The following RAP1GDS1 variants were observed in gnomAD, a reference collection of about 807,000 sequenced individuals.
The protein encoded by RAP1GDS1 is RAP1, GTP-GDP dissociation stimulator 1.
In RAP1GDS1, 35 loss-of-function variants were observed where a neutral mutation model predicts 71.1. That is an observed-to-expected ratio of 0.49 (90% CI 0.38 to 0.65). The LOEUF (loss-of-function observed/expected upper bound fraction) is 0.65. Ranked by LOEUF, RAP1GDS1 falls within the 30% of genes least tolerant of loss-of-function variation. The probability of loss-of-function intolerance (pLI) is 0.00; values close to 1 mark genes in which losing one functional copy is unlikely to be tolerated. For missense variants in RAP1GDS1, 663 were observed against 706.1 expected, an observed-to-expected ratio of 0.94 and a Z score of 0.69; for synonymous variants, 229 against 243.1, an observed-to-expected ratio of 0.94 and a Z score of 0.54.
At chr4:98,295,662 T>C (rs1349074397) in intron 2 of RAP1GDS1, among the ~76,000 whole-genome samples, 1 of 152,110 alleles carries the variant, frequency 6.6e-6, no homozygotes, top group African/African-American at 2.4e-5. Flanking sequence ...TAAAAAATTG[T>C]AATCTGAATA....
At chr4:98,353,853 A>G (rs921965483) in intron 4 of RAP1GDS1, among the ~76,000 whole-genome samples, 60 of 152,252 alleles carry the variant, frequency 3.9e-4, no homozygotes, top group African/African-American at 1.3e-3. Context: ...ATTTTTATTA[A>G]GCACCATAGT....
At chr4:98,349,001 G>T (rs1012002914) in intron 3 of RAP1GDS1, among the ~76,000 whole-genome samples, 5 of 152,060 alleles carry the variant, frequency 3.3e-5, no homozygotes, top group African/African-American at 1.2e-4. Flanking sequence ...TTTGGTTTTT[G>T]TTACCATTGC....
intron 1 of RAP1GDS1, among the ~76,000 whole-genome samples, chr4:98,277,450 C>T (rs1411484981): frequency 2.0e-5 from 3 of 152,208 alleles, no homozygotes; most frequent in Non-Finnish European, 4.4e-5. Context: ...TCTTATTTCT[C>T]ATTACTCTCT....
rs111461002 is a variant in RAP1GDS1 at position 98,385,873 on chromosome 4, A to T, written c.509-6079A>T. Among the ~76,000 whole-genome samples the T allele has an allele frequency of 5.2e-3, 785 of 152,012 alleles. 9 individuals are homozygous for T. The highest frequency in any genetic ancestry group is 0.02 in the Middle Eastern group (6 of 294). ...TCTATGTTTTTAAGCATATGTTTGTAAGATACACGTTGGAATATAAATTAA... is the reference window on the plus strand; with the variant it reads ...TCTATGTTTTTAAGCATATGTTTGTTAGATACACGTTGGAATATAAATTAA... On this transcript the variant is annotated intron_variant, in intron 5 of 14. Transcript: ENST00000408927.
At chr4:98,391,157 A>C (rs1743590244) in intron 5 of RAP1GDS1, among the ~76,000 whole-genome samples, 1 of 152,114 alleles carries the variant, frequency 6.6e-6, no homozygotes, top group African/African-American at 2.4e-5. Context: ...ACTTTGCTAC[A>C]GGTATTCTAT....
intron 2 of RAP1GDS1, among the ~76,000 whole-genome samples, chr4:98,305,960 A>G (rs142278654): frequency 1.3e-5 from 2 of 152,332 alleles, no homozygotes; most frequent in Admixed American, 6.5e-5. Flanking sequence ...CAGTCTCAGT[A>G]TTTATAGTAC....
intron 4 of RAP1GDS1, among the ~76,000 whole-genome samples, chr4:98,376,800 CAAT>C (rs767168846): frequency 1.3e-5 from 2 of 151,836 alleles, no homozygotes; most frequent in Admixed American, 6.6e-5. Context: ...AAACAATTCT[CAAT>C]AACACATGAG....
intron 7 of RAP1GDS1, among the ~76,000 whole-genome samples, chr4:98,416,228 G>A (rs1312899683): frequency 1.3e-5 from 2 of 150,678 alleles, no homozygotes; most frequent in Non-Finnish European, 2.9e-5. Context: ...ATTTCAAATG[G>A]AAATATGAAA....
chr4:98,313,096 A>T (rs1316273277), intron 2 of RAP1GDS1, among the ~76,000 whole-genome samples: 1 of 148,092 alleles, frequency 6.8e-6, no homozygotes, highest in Admixed American at 6.8e-5. Flanking sequence ...AAAAAAAAAA[A>T]AGAAATTGGC....
rs1202654373 is a variant in RAP1GDS1, at chr4:98,391,967, A to G, written c.524A>G (p.Gln175Arg). The G allele has an allele frequency of 6.2e-7, 1 of 1,602,050 alleles. No individual in the cohort carries two copies. The highest frequency in any genetic ancestry group is 8.5e-7 in the Non-Finnish European group (1 of 1,175,416). The change falls in exon 6 of 15, where the codon CAG becomes CGG. Residue 175 changes from glutamine to arginine, a missense_variant. Transcript: ENST00000408927. ...YSNENDSLQAQLINMGVIPTL... is the reference protein window; with the variant it reads ...YSNENDSLQARLINMGVIPTL... ...GTTTTTACAGATTCGCTTCAAGCTCAGCTTATCAATATGGGTGTTATTCCT... is the reference window on the plus strand; with the variant it reads ...GTTTTTACAGATTCGCTTCAAGCTCGGCTTATCAATATGGGTGTTATTCCT...
At chr4:98,425,698 C>A (rs915155428) in intron 12 of RAP1GDS1, among the ~76,000 whole-genome samples, 5 of 152,082 alleles carry the variant, frequency 3.3e-5, no homozygotes, top group Non-Finnish European at 7.4e-5. Context: ...TATATATGCA[C>A]CAAACACTGG....
intron 4 of RAP1GDS1, among the ~76,000 whole-genome samples, chr4:98,358,319 T>C (rs975174165): frequency 6.6e-6 from 1 of 152,048 alleles, no homozygotes; most frequent in Non-Finnish European, 1.5e-5. Flanking sequence ...TCCATGTGAT[T>C]GTTTCTTGTA....
intron 2 of RAP1GDS1, among the ~76,000 whole-genome samples, chr4:98,319,155 C>G (rs879298719): frequency 1.3e-5 from 2 of 152,196 alleles, no homozygotes; most frequent in Non-Finnish European, 2.9e-5. Context: ...ACTATAAACT[C>G]TTTCAGAGCA....
intron 2 of RAP1GDS1, among the ~76,000 whole-genome samples, chr4:98,341,689 G>A (rs1426535574): frequency 2.0e-5 from 3 of 150,944 alleles, no homozygotes; most frequent in Non-Finnish European, 4.4e-5. Flanking sequence ...GGCAAATTAA[G>A]TTTAGTTCTT....
intron 1 of RAP1GDS1, among the ~76,000 whole-genome samples, chr4:98,276,518 A>AT (rs1379028591): frequency 2.0e-5 from 3 of 150,330 alleles, no homozygotes; most frequent in Admixed American, 1.3e-4. Flanking sequence ...AAAAGAGAAT[A>AT]TTTTTTATTT....
At chr4:98,267,191 T>C (rs969469094) in intron 1 of RAP1GDS1, among the ~76,000 whole-genome samples, 4 of 152,216 alleles carry the variant, frequency 2.6e-5, no homozygotes, top group Non-Finnish European at 4.4e-5. Flanking sequence ...TCTTTTCTTG[T>C]AGTATCATTG....
At chr4:98,292,725 TGTA>T (rs759741709) in intron 1 of RAP1GDS1, among the ~76,000 whole-genome samples, 17 of 152,204 alleles carry the variant, frequency 1.1e-4, no homozygotes, top group Admixed American at 2.6e-4. Context: ...GTTTTGATTT[TGTA>T]GTATGTTAAA....
intron 2 of RAP1GDS1, among the ~76,000 whole-genome samples, chr4:98,329,764 G>A (rs368554399): frequency 2.8e-5 from 4 of 145,334 alleles, no homozygotes; most frequent in East Asian, 2.0e-4. Flanking sequence ...ATTCCAGCCC[G>A]GGTGACAGTG....
chr4:98,334,867 A>G (rs1321176719), intron 2 of RAP1GDS1, among the ~76,000 whole-genome samples: 1 of 148,030 alleles, frequency 6.8e-6, no homozygotes, highest in African/African-American at 2.5e-5. Flanking sequence ...TTCCATAAGC[A>G]GTGAGTTTTA....
Sources: gnomAD v4.1 joint callset for allele counts (sites outside exome capture counted in the v4.1 genomes callset) on GRCh38, gnomAD v4.1.1 for gene constraint, MANE v1.5 for transcripts, NCBI Gene and HGNC (gene_info 2026-07-23, HGNC 2026-07-21) for gene names.